Variants in RCAN2 observed in about 807,000 individuals in gnomAD.
The protein encoded by RCAN2 is regulator of calcineurin 2.
RCAN2 carries 9 observed loss-of-function variants against 23.6 expected under a neutral mutation model. The ratio of observed to expected loss-of-function variants is 0.38; its 90% CI spans 0.23 to 0.67. RCAN2 has a LOEUF of 0.67. Ranked by LOEUF, RCAN2 falls within the 30% of genes least tolerant of loss-of-function variation. The probability of loss-of-function intolerance (pLI) is 0.51; values close to 1 mark genes in which losing one functional copy is unlikely to be tolerated. For missense variants in RCAN2, 273 were observed against 302.3 expected (o/e 0.90, Z 0.72); for synonymous variants, 109 against 115.7 (o/e 0.94, Z 0.37).
At chr6:46,311,759 G>T (rs1456417765) in intron 2 of RCAN2, among the ~76,000 whole-genome samples, 3 of 152,138 alleles carry the variant, frequency 2.0e-5, no homozygotes, top group Non-Finnish European at 2.9e-5. Context: ...CTGGATTGCT[G>T]TTTAGCATAT....
At chr6:46,361,932 C>T (rs963395317) in intron 2 of RCAN2, among the ~76,000 whole-genome samples, 1 of 152,158 alleles carries the variant, frequency 6.6e-6, no homozygotes, top group Non-Finnish European at 1.5e-5. Context: ...CATCTATCAT[C>T]ATGGTTTGGA....
At chr6:46,265,035 C>G (rs1481780218) in intron 2 of RCAN2, among the ~76,000 whole-genome samples, 1 of 152,120 alleles carries the variant, frequency 6.6e-6, no homozygotes, top group South Asian at 2.1e-4. Flanking sequence ...GATATGGCTT[C>G]ACCCCTTTCA....
chr6:46,303,493 G>A (rs900735986), intron 2 of RCAN2, among the ~76,000 whole-genome samples: 3 of 152,036 alleles, frequency 2.0e-5, no homozygotes, highest in Admixed American at 1.3e-4. Context: ...ATGAGGCCTT[G>A]GAGACTTTGC....
At chr6:46,435,018 C>T (rs754870923) in intron 2 of RCAN2, among the ~76,000 whole-genome samples, 28 of 152,316 alleles carry the variant, frequency 1.8e-4, no homozygotes, top group Middle Eastern at 3.4e-3. Context: ...AAGTCTCTGA[C>T]AATTAAATAT....
chr6:46,317,208 G>A (rs1266653334), intron 2 of RCAN2, among the ~76,000 whole-genome samples: 1 of 152,058 alleles, frequency 6.6e-6, no homozygotes, highest in Admixed American at 6.6e-5. Flanking sequence ...AAACTAGATG[G>A]CATAATTAGA....
At chr6:46,482,692 C>T (rs1168624020) in intron 1 of RCAN2, among the ~76,000 whole-genome samples, 1 of 152,102 alleles carries the variant, frequency 6.6e-6, no homozygotes, top group African/African-American at 2.4e-5. Flanking sequence ...GATAAAATAA[C>T]CTTCTCATAG....
At chr6:46,441,241 T>A (rs1413356622) in intron 2 of RCAN2, among the ~76,000 whole-genome samples, 6 of 152,186 alleles carry the variant, frequency 3.9e-5, no homozygotes, top group Admixed American at 3.3e-4. Context: ...TTAACACCAT[T>A]TTATAAAAAA....
At chr6:46,443,830 T>C (rs1429543382) in intron 2 of RCAN2, among the ~76,000 whole-genome samples, 2 of 152,324 alleles carry the variant, frequency 1.3e-5, no homozygotes, top group South Asian at 4.1e-4. Context: ...GCCAACTTTG[T>C]TTTTGGAACC....
intron 4 of RCAN2, among the ~76,000 whole-genome samples, chr6:46,235,554 T>A (rs2150310748): frequency 6.6e-6 from 1 of 152,296 alleles, no homozygotes; most frequent in Middle Eastern, 3.4e-3. Flanking sequence ...TTTTCCAAAC[T>A]CACATGTCTA....
At chr6:46,373,548 T>C (rs772441546) in intron 2 of RCAN2, among the ~76,000 whole-genome samples, 1 of 152,202 alleles carries the variant, frequency 6.6e-6, no homozygotes, top group Non-Finnish European at 1.5e-5. Flanking sequence ...TGAGCCACCA[T>C]GCCCAGACTA....
intron 2 of RCAN2, among the ~76,000 whole-genome samples, chr6:46,288,577 A>G (rs1762443428): frequency 1.3e-5 from 2 of 152,258 alleles, no homozygotes; most frequent in African/African-American, 2.4e-5. Flanking sequence ...ATCTAAACAT[A>G]TTCAAAAAGT....
chr6:46,266,825 C>A (rs1767346649), intron 2 of RCAN2, among the ~76,000 whole-genome samples: 1 of 152,094 alleles, frequency 6.6e-6, no homozygotes, highest in Admixed American at 6.6e-5. Context: ...TTGAAAGATG[C>A]AAAGCACAGA....
intron 2 of RCAN2, among the ~76,000 whole-genome samples, chr6:46,360,715 G>A (rs543667913): frequency 3.9e-5 from 6 of 152,224 alleles, no homozygotes; most frequent in African/African-American, 1.4e-4. Context: ...CTTTTAAGTG[G>A]TCAATCAACA....
intron 2 of RCAN2, among the ~76,000 whole-genome samples, chr6:46,413,974 C>T (rs926423293): frequency 6.6e-6 from 1 of 152,096 alleles, no homozygotes; most frequent in Admixed American, 6.6e-5. Context: ...AGCCACCCGG[C>T]TCTCAGAATA....
chr6:46,395,395 G>A (rs897164060), intron 2 of RCAN2, among the ~76,000 whole-genome samples: 1 of 152,004 alleles, frequency 6.6e-6, no homozygotes, highest in Non-Finnish European at 1.5e-5. Context: ...AAATGAAGAA[G>A]GTTTCAACAA....
chr6:46,285,025 T>C (rs753359204), intron 2 of RCAN2, among the ~76,000 whole-genome samples: 30 of 152,210 alleles, frequency 2.0e-4, no homozygotes, highest in Non-Finnish European at 1.5e-5. Flanking sequence ...ACACTATCTA[T>C]ATATACCATC....
intron 2 of RCAN2, among the ~76,000 whole-genome samples, chr6:46,310,306 A>G (rs549082289): frequency 6.6e-6 from 1 of 152,248 alleles, no homozygotes; most frequent in South Asian, 2.1e-4. Context: ...AAGCATTCAG[A>G]TGGTATTATG....
intron 2 of RCAN2, among the ~76,000 whole-genome samples, chr6:46,260,871 G>C (rs1368751890): frequency 6.6e-6 from 1 of 152,240 alleles, no homozygotes; most frequent in Non-Finnish European, 1.5e-5. Flanking sequence ...AGACTTTTGA[G>C]TAAGTAGTTA....
chr6:46,437,495 T>A (rs778268939), intron 2 of RCAN2, among the ~76,000 whole-genome samples: 14 of 152,164 alleles, frequency 9.2e-5, no homozygotes, highest in Non-Finnish European at 1.9e-4. Context: ...AAATGTACAT[T>A]GAGTGCAGAT....
Sources: gnomAD v4.1 joint callset for allele counts (sites outside exome capture counted in the v4.1 genomes callset) on GRCh38, gnomAD v4.1.1 for gene constraint, MANE v1.5 for transcripts, NCBI Gene and HGNC (gene_info 2026-07-23, HGNC 2026-07-21) for gene names.